ABCA12: variants seen among roughly 807,000 people sequenced by gnomAD.
ABCA12 encodes the protein ATP binding cassette subfamily A member 12.
Under a neutral mutation model 293.5 loss-of-function variants are expected in ABCA12, and 156 were observed. The ratio of observed to expected loss-of-function variants is 0.53; its 90% CI spans 0.47 to 0.61. ABCA12 has a LOEUF of 0.61. Ranked by LOEUF, ABCA12 falls within the 20% of genes least tolerant of loss-of-function variation. The probability of loss-of-function intolerance (pLI) is 0.00; values close to 1 mark genes in which losing one functional copy is unlikely to be tolerated. For missense variants in ABCA12, 2,797 were observed against 3,090.2 expected, an observed-to-expected ratio of 0.91 and a Z score of 2.25; for synonymous variants, 1,063 against 1,108.0, an observed-to-expected ratio of 0.96 and a Z score of 0.81.
At chr2:214,998,438 A>G (rs1055960227) in intron 22 of ABCA12, among the ~76,000 whole-genome samples, 1 of 152,162 alleles carries the variant, frequency 6.6e-6, no homozygotes, top group Non-Finnish European at 1.5e-5. Context: ...GATTACAGGC[A>G]TGAGTCACTG....
chr2:215,124,690 G>C (rs1702885054), intron 1 of ABCA12, among the ~76,000 whole-genome samples: 1 of 152,126 alleles, frequency 6.6e-6, no homozygotes, highest in Non-Finnish European at 1.5e-5. Flanking sequence ...GTTCATTGTA[G>C]ATTCTGGATA....
intron 52 of ABCA12, 127 bp downstream of exon 52, chr2:214,933,951 T>G: frequency 9.9e-7 from 1 of 1,005,372 alleles, no homozygotes; most frequent in Non-Finnish European, 1.5e-6. Flanking sequence ...TTGCTAAGTT[T>G]TTCAGGTGCA....
chr2:215,001,166 A>G lies in ABCA12; in HGVS notation c.2864-146T>C, dbSNP rs868052677. On this transcript the variant is annotated intron_variant, in intron 21 of 52. Transcript: ENST00000272895. ...TTCAGGTTCTTAATTTACAGAAAAC[A>G]TGGTTAATTGGAGGTGTCAACCTCA... The G allele has an allele frequency of 2.9e-5, 24 of 826,202 alleles. No individual in the cohort carries two copies. The Middle Eastern group carries it at 6.1e-3, about 210-fold the overall frequency. 51.2% of individuals were successfully genotyped at this position (826,202 alleles called of 1,614,324 possible). A position where few individuals can be genotyped will look rare whatever the true frequency, so the allele number is the denominator to read the frequency against.
At chr2:215,129,302 T>A (rs185863467) in intron 1 of ABCA12, among the ~76,000 whole-genome samples, 4 of 152,334 alleles carry the variant, frequency 2.6e-5, no homozygotes, top group Admixed American at 2.0e-4. Context: ...TCCACTTCCT[T>A]CAGAAGGTCT....
intron 2 of ABCA12, among the ~76,000 whole-genome samples, chr2:215,079,296 T>G (rs972488728): frequency 3.9e-5 from 6 of 152,198 alleles, no homozygotes; most frequent in African/African-American, 1.4e-4. Flanking sequence ...TGGAAAAATG[T>G]GACTATGTGA....
At chr2:215,095,747 T>C (rs1575041059) in intron 2 of ABCA12, among the ~76,000 whole-genome samples, 1 of 149,950 alleles carries the variant, frequency 6.7e-6, no homozygotes, top group South Asian at 2.1e-4. Flanking sequence ...GAAGTGAAAA[T>C]GACCGGTTCC....
chr2:214,999,781 T>C, intron 22 of ABCA12: 1 of 984,632 alleles, frequency 1.0e-6, no homozygotes, highest in South Asian at 4.7e-5. Flanking sequence ...CTTGATGGAC[T>C]CCTTACCTGC....
At chr2:215,096,979 C>A (rs1188163199) in intron 2 of ABCA12, among the ~76,000 whole-genome samples, 1 of 152,094 alleles carries the variant, frequency 6.6e-6, no homozygotes, top group Non-Finnish European at 1.5e-5. Flanking sequence ...ATACGCTAGG[C>A]ACTGCTTGTA....
In ABCA12 at chr2:214,970,463, T is replaced by C. The variant is rs564464413; in HGVS notation, c.5563-63A>G. On this transcript the variant is annotated intron_variant, in intron 36 of 52. Transcript: ENST00000272895. ...AATGCTGTGCAAGTTAAATAGACAA[T>C]GTCAAGGAGCTTCAGTCTCATGATT... 2,306 of 1,578,686 alleles carry C rather than the reference T, an allele frequency of 1.5e-3. 19 individuals carry two copies. Among genetic ancestry groups the C allele is most frequent in the South Asian group, 0.014 (1,281 of 90,096 alleles).
intron 39 of ABCA12, among the ~76,000 whole-genome samples, chr2:214,965,536 C>T (rs763514329): frequency 1.3e-4 from 19 of 151,104 alleles, no homozygotes; most frequent in African/African-American, 3.4e-4. Flanking sequence ...TTTACTGGGG[C>T]GAGGGGGGAA....
chr2:215,001,991 T>C (rs928302884), intron 20 of ABCA12, among the ~76,000 whole-genome samples: 1 of 152,212 alleles, frequency 6.6e-6, no homozygotes. Flanking sequence ...CTTAAAAGTA[T>C]ATTTTGTTAC....
Position 215,026,819 on chromosome 2 carries a change from C to T in ABCA12, c.1180+1G>A. Reference sequence around the variant, plus strand: ...ATTTTGACTGTTAAGAACAGTATTACCTGGTGAACCTCTGGCCAAACTGTC... The same window carrying T: ...ATTTTGACTGTTAAGAACAGTATTATCTGGTGAACCTCTGGCCAAACTGTC... On this transcript the variant is annotated splice_donor_variant, in intron 10 of 52. Coordinates refer to ENST00000272895, the MANE Select transcript of ABCA12 (RefSeq NM_173076.3). LOFTEE classifies it high-confidence loss of function. 2 of 1,592,268 alleles carry T rather than the reference C, an allele frequency of 1.3e-6. No homozygotes were observed. Among genetic ancestry groups the T allele is most frequent in the Non-Finnish European group, 1.7e-6 (2 of 1,160,224 alleles).
chr2:215,134,565 T>TAC (rs1703158866), intron 1 of ABCA12, among the ~76,000 whole-genome samples: 1 of 137,816 alleles, frequency 7.3e-6, no homozygotes, highest in African/African-American at 2.7e-5. Context: ...TATATATGTG[T>TAC]GTATATATAT....
intron 4 of ABCA12, among the ~76,000 whole-genome samples, chr2:215,054,191 T>A (rs899986537): frequency 4.6e-5 from 7 of 152,056 alleles, no homozygotes; most frequent in African/African-American, 1.7e-4. Flanking sequence ...ATATTTCTCA[T>A]CTGTAAAATG....
At chr2:215,018,861 C>T (rs1700562688) in intron 13 of ABCA12, among the ~76,000 whole-genome samples, 1 of 152,082 alleles carries the variant, frequency 6.6e-6, no homozygotes, top group South Asian at 2.1e-4. Context: ...TTCTGAATGC[C>T]TTTCCTTTCA....
chr2:214,998,099 T>C (rs1047992281), intron 22 of ABCA12, among the ~76,000 whole-genome samples: 1 of 152,122 alleles, frequency 6.6e-6, no homozygotes, highest in Non-Finnish European at 1.5e-5. Flanking sequence ...TCTGGGAAAA[T>C]AATTACTATA....
intron 3 of ABCA12, among the ~76,000 whole-genome samples, chr2:215,063,752 T>C (rs1022417893): frequency 1.3e-5 from 2 of 151,968 alleles, no homozygotes; most frequent in East Asian, 3.9e-4. Context: ...ATGCTTGTGA[T>C]GAGTCTCAGG....
chr2:215,049,335 A>C (rs1410778946), intron 6 of ABCA12, among the ~76,000 whole-genome samples: 1 of 152,234 alleles, frequency 6.6e-6, no homozygotes, highest in Non-Finnish European at 1.5e-5. Flanking sequence ...AAGATCTCAG[A>C]GAAAACTATC....
intron 36 of ABCA12, among the ~76,000 whole-genome samples, chr2:214,973,191 T>C (rs1466894701): frequency 6.6e-6 from 1 of 152,198 alleles, no homozygotes; most frequent in Non-Finnish European, 1.5e-5. Context: ...TTATTGTTAG[T>C]ATCTATTTTG....
Sources: allele counts gnomAD v4.1 joint callset (sites outside exome capture counted in the v4.1 genomes callset), GRCh38; gene constraint gnomAD v4.1.1; transcripts MANE v1.5; gene names NCBI Gene and HGNC (gene_info 2026-07-23, HGNC 2026-07-21).